The following KIF4A variants were observed in gnomAD, a reference collection of about 807,000 sequenced individuals.
The protein encoded by KIF4A is chromosome-associated kinesin KIF4A.
KIF4A carries 7 observed loss-of-function variants against 105.9 expected under a neutral mutation model. The observed-to-expected ratio is 0.07, with a 90% CI of 0.04 to 0.12. The LOEUF (loss-of-function observed/expected upper bound fraction) is 0.12, where lower values mean the gene tolerates loss of function less well. Among genes scored for constraint, KIF4A ranks in the 10% least tolerant of loss-of-function variants. The pLI, the probability that KIF4A is intolerant of heterozygous loss-of-function variation, is 1.00. For missense variants in KIF4A, 558 were observed against 929.2 expected (o/e 0.60, Z 5.19); for synonymous variants, 281 against 331.3 (o/e 0.85, Z 1.65).
intron 15 of KIF4A, among the ~76,000 whole-genome samples, chrX:70,369,277 C>A (rs2086120048): frequency 8.9e-6 from 1 of 112,163 alleles, no homozygotes; most frequent in African/African-American, 3.2e-5. Flanking sequence ...CTCTGACAAT[C>A]CCCAGTGAGA....
At chrX:70,411,115 T>G (rs920442610) in intron 28 of KIF4A, among the ~76,000 whole-genome samples, 1 of 111,179 alleles carries the variant, frequency 9.0e-6, no homozygotes, top group Non-Finnish European at 1.9e-5. Flanking sequence ...AAGCAGGTAT[T>G]TTTGCCTCTA....
intron 15 of KIF4A, among the ~76,000 whole-genome samples, chrX:70,368,332 T>C (rs2086114405): frequency 8.9e-6 from 1 of 112,268 alleles, no homozygotes; most frequent in African/African-American, 3.2e-5. Context: ...CTCTGATTGT[T>C]AGAATTTTCA....
intron 28 of KIF4A, among the ~76,000 whole-genome samples, chrX:70,415,861 C>CTTTTT (rs1162374099): frequency 4.7e-4 from 27 of 57,410 alleles, no homozygotes; most frequent in Non-Finnish European, 5.7e-4. Flanking sequence ...TGCATTATTT[C>CTTTTT]TTTTTTTTTT....
At position 70,357,238 on chromosome X, in the gene KIF4A, C is replaced by T. The variant is rs1282178777; in HGVS notation, c.1674+3431C>T. On this transcript the variant is annotated intron_variant, in intron 15 of 30. Transcript: ENST00000374403. ...CTGAGGCAGGAGAATGGCGTGAACCCAGGAGGCGGAGCTTGCAGTGAGCCG... is the reference window on the plus strand; with the variant it reads ...CTGAGGCAGGAGAATGGCGTGAACCTAGGAGGCGGAGCTTGCAGTGAGCCG... Among the ~76,000 whole-genome samples the T allele has an allele frequency of 2.7e-5, 3 of 111,603 alleles. No homozygotes were observed. The Admixed American group carries it at 2.9e-4, about 11-fold the overall frequency.
chrX:70,315,245 G>C (rs1193639479), intron 7 of KIF4A, among the ~76,000 whole-genome samples: 1 of 111,555 alleles, frequency 9.0e-6, no homozygotes, highest in Non-Finnish European at 1.9e-5. Flanking sequence ...TAAGAAGAAA[G>C]TTACCTCTGC....
chrX:70,290,468 G>C lies in KIF4A; in HGVS notation c.10G>C (p.Glu4Gln). MKE[E>Q]VKGIPVRVAL... ...GTGCTGAGATAGGATCATGAAGGAAGAGGTGAAGGGAATTCCCGTAAGAGT... is the reference window on the plus strand; with the variant it reads ...GTGCTGAGATAGGATCATGAAGGAACAGGTGAAGGGAATTCCCGTAAGAGT... Residue 4 changes from glutamate (E) to glutamine (Q), a missense_variant, in exon 2 of 31, where the codon GAG becomes CAG. This residue lies in a region of KIF4A where 89 missense variants were observed against 248.8 expected (regional missense o/e 0.36). Transcript: ENST00000374403. The C allele has an allele frequency of 8.3e-7, 1 of 1,209,992 alleles. No homozygotes were observed. The highest frequency in any genetic ancestry group is 1.7e-5 in the African/African-American group (1 of 57,713).
chrX:70,402,841 G>A (rs2086287299), intron 23 of KIF4A, 146 bp downstream of exon 23: 7 of 735,320 alleles, frequency 9.5e-6, no homozygotes, highest in Non-Finnish European at 1.4e-5. Context: ...AGTAGATAAA[G>A]GTTGGTGTAA....
intron 28 of KIF4A, among the ~76,000 whole-genome samples, chrX:70,409,562 C>T (rs1054744281): frequency 9.0e-6 from 1 of 110,972 alleles, no homozygotes; most frequent in Non-Finnish European, 1.9e-5. Flanking sequence ...TTCGGGAGGC[C>T]AAGGCAGGCG....
At chrX:70,366,242 T>C (rs1421266226) in intron 15 of KIF4A, among the ~76,000 whole-genome samples, 2 of 111,070 alleles carry the variant, frequency 1.8e-5, no homozygotes, top group Non-Finnish European at 1.9e-5. Flanking sequence ...TTTGTGTCTC[T>C]ATTTCCTTCA....
chrX:70,294,527 C>T (rs971607054), intron 3 of KIF4A, among the ~76,000 whole-genome samples: 1 of 111,998 alleles, frequency 8.9e-6, no homozygotes, highest in Admixed American at 9.4e-5. Flanking sequence ...GTTTCTTTAC[C>T]CCAGCATCAA....
intron 4 of KIF4A, 93 bp from the exon 5 acceptor site, chrX:70,299,020 A>G (rs774696237): frequency 2.3e-4 from 142 of 617,236 alleles, no homozygotes; most frequent in Non-Finnish European, 3.1e-4. Flanking sequence ...ATAGAAAGTC[A>G]CAAATAATTT....
At position 70,404,812 on chromosome X, in the gene KIF4A, T is replaced by G; in HGVS notation, c.2888T>G (p.Leu963Arg). ...SEKEQQLLST[L>R]KCQDEELEKM... ...AAGGAACAGCAGCTGCTGAGCACAC[T>G]GAAGTGTCAGGTATGATCACGAGAG... is the stretch of plus-strand genomic sequence containing the variant. The change falls in exon 25 of 31, where the codon CTG (leucine) becomes CGG (arginine). Residue 963 changes from leucine to arginine, a missense_variant. Around this residue, in one of 2 missense-constraint regions of KIF4A, gnomAD observed 469 missense variants for 680.4 expected, o/e 0.69. Coordinates refer to ENST00000374403, the MANE Select transcript of KIF4A (RefSeq NM_012310.5). 1.7e-6 allele frequency: 2 copies of G among 1,182,024 alleles called. No individual in the cohort carries two copies. Among genetic ancestry groups the G allele is most frequent in the African/African-American group, 1.7e-5 (1 of 57,368 alleles).
intron 28 of KIF4A, among the ~76,000 whole-genome samples, chrX:70,416,406 G>T (rs1395000324): frequency 1.1e-5 from 1 of 93,146 alleles, no homozygotes; most frequent in African/African-American, 4.1e-5. Flanking sequence ...AGGCTGGAGT[G>T]CAGTGGCGCG....
chrX:70,302,188 A>G, intron 6 of KIF4A, 116 bp from the exon 7 acceptor site: 1 of 1,072,347 alleles, frequency 9.3e-7, no homozygotes. Flanking sequence ...ACGAGTGACT[A>G]ATGGAGCCAT....
rs1224067876 is a variant in KIF4A at position 70,373,518 on chromosome X, GTGTATGTA to G, written c.1675-631_1675-624del. Among the ~76,000 whole-genome samples the G allele has an allele frequency of 1.0e-3, 7 of 6,945 alleles. 1 individual carries two copies. Among genetic ancestry groups the G allele is most frequent in the African/African-American group, 3.9e-3 (7 of 1,794 alleles). The allele number at this position is 6,945 out of a possible 115,157, so 6.0% of individuals were successfully genotyped here. A position where few individuals can be genotyped will look rare whatever the true frequency, so the allele number is the denominator to read the frequency against. On this transcript the variant is annotated intron_variant, in intron 15 of 30. Transcript: ENST00000374403. The stretch of plus-strand genomic sequence containing the variant: ...GGGCAACATATATATATACATGTGT[GTGTATGTA>G]TATATATATATATATATATATATAT...
intron 15 of KIF4A, among the ~76,000 whole-genome samples, chrX:70,366,768 G>T (rs752815506): frequency 9.0e-6 from 1 of 111,398 alleles, no homozygotes; most frequent in Non-Finnish European, 1.9e-5. Context: ...TATTAGGTCC[G>T]CTTGGTGCAG....
At chrX:70,342,330 A>G (rs2085975724) in intron 11 of KIF4A, among the ~76,000 whole-genome samples, 1 of 112,239 alleles carries the variant, frequency 8.9e-6, no homozygotes, top group African/African-American at 3.2e-5. Flanking sequence ...ATGTTGTCAC[A>G]TTTCATATCC....
At chrX:70,344,061 T>G in intron 13 of KIF4A, 79 bp downstream of exon 13, 2 of 731,538 alleles carry the variant, frequency 2.7e-6, no homozygotes, top group Non-Finnish European at 4.1e-6. Context: ...TTTCTAGCTC[T>G]GTGCCTTTTG....
rs750566162 is a variant in KIF4A at position 70,379,088 on chromosome X, G to A, written c.2034+2878G>A. 5.5e-5 allele frequency among the ~76,000 whole-genome samples: 6 copies of A among 108,477 alleles called. No homozygotes were observed. In the South Asian group the frequency reaches 1.7e-3, roughly 30 times the overall value. The allele number at this position is 108,477 out of a possible 115,157, so 94.2% of individuals were successfully genotyped here. Reference sequence around the variant, plus strand: ...TGAGGGAGGAGAATGGTGTGAACCCGGAAGGCGGAGCTTGCAGTGAGCAGA... The same window carrying A: ...TGAGGGAGGAGAATGGTGTGAACCCAGAAGGCGGAGCTTGCAGTGAGCAGA... On this transcript the variant is annotated intron_variant, in intron 18 of 30. Coordinates refer to ENST00000374403, the MANE Select transcript of KIF4A (RefSeq NM_012310.5).
Sources: gnomAD v4.1 joint callset for allele counts (sites outside exome capture counted in the v4.1 genomes callset) on GRCh38, gnomAD v4.1.1 for gene constraint, gnomAD v4.1.1 regional missense constraint, MANE v1.5 for transcripts, NCBI Gene and HGNC (gene_info 2026-07-23, HGNC 2026-07-21) for gene names.